Variants in STAB2 observed in about 807,000 individuals in gnomAD.
STAB2 encodes the protein stabilin 2, also known as stabilin-2.
Under a neutral mutation model 338.1 loss-of-function variants are expected in STAB2, and 288 were observed. The ratio of observed to expected loss-of-function variants is 0.85; its 90% CI spans 0.77 to 0.94. The LOEUF is 0.94. Among genes scored for constraint, STAB2 ranks in the 40% least tolerant of loss-of-function variants. The probability of loss-of-function intolerance (pLI) is 0.00; values close to 1 mark genes in which losing one functional copy is unlikely to be tolerated. For synonymous variants in STAB2, 1,202 were observed against 1,193.3 expected (o/e 1.01, Z -0.15); for missense variants, 3,141 against 3,210.1 (o/e 0.98, Z 0.52).
At chr12:103,670,569 C>A (rs1875669230) in intron 21 of STAB2, 127 bp from the exon 22 acceptor site, 1 of 726,304 alleles carries the variant, frequency 1.4e-6, no homozygotes, top group East Asian at 2.7e-5. Context: ...ACTCCACTTT[C>A]CACGAGGAGT....
At chr12:103,674,334 T>C (rs764264468) in intron 23 of STAB2, among the ~76,000 whole-genome samples, 1 of 152,150 alleles carries the variant, frequency 6.6e-6, no homozygotes, top group Non-Finnish European at 1.5e-5. Context: ...ACTTAACCTC[T>C]CTGAACCTCA....
At chr12:103,674,265 G>A (rs999400704) in intron 23 of STAB2, among the ~76,000 whole-genome samples, 178 bp downstream of exon 23, 1 of 152,182 alleles carries the variant, frequency 6.6e-6, no homozygotes, top group Non-Finnish European at 1.5e-5. Flanking sequence ...TCTGAGCTGG[G>A]TTTCAATTGC....
chr12:103,611,369 C>T (rs1428635454), intron 3 of STAB2, among the ~76,000 whole-genome samples: 2 of 152,120 alleles, frequency 1.3e-5, no homozygotes, highest in Non-Finnish European at 2.9e-5. Flanking sequence ...AATCTGGGTG[C>T]TCCTGTATTG....
intron 33 of STAB2, among the ~76,000 whole-genome samples, chr12:103,698,441 C>T (rs933128645): frequency 6.6e-6 from 1 of 152,062 alleles, no homozygotes; most frequent in Non-Finnish European, 1.5e-5. Context: ...TGGAAGAGGG[C>T]AGGAAGGACC....
chr12:103,681,813 G>T (rs951798800), intron 25 of STAB2, among the ~76,000 whole-genome samples: 1 of 151,404 alleles, frequency 6.6e-6, no homozygotes. Context: ...GTAGAGACGG[G>T]GTTTCTCTGC....
chr12:103,712,836 A>G (rs1879990062), intron 41 of STAB2, among the ~76,000 whole-genome samples: 1 of 152,356 alleles, frequency 6.6e-6, no homozygotes, highest in East Asian at 1.9e-4. Flanking sequence ...TGGCTGGAGC[A>G]TCGAGGGTCT....
intron 50 of STAB2, 135 bp downstream of exon 50, chr12:103,731,770 T>C: frequency 1.3e-6 from 1 of 794,408 alleles, no homozygotes; most frequent in East Asian, 2.7e-5. Flanking sequence ...GTCTCAGTTT[T>C]CTGGAGAGCA....
intron 3 of STAB2, among the ~76,000 whole-genome samples, chr12:103,599,997 C>G (rs377695405): frequency 6.6e-6 from 1 of 152,212 alleles, no homozygotes; most frequent in Non-Finnish European, 1.5e-5. Context: ...AGTTCCAACT[C>G]TTAACGACCA....
intron 17 of STAB2, among the ~76,000 whole-genome samples, 193 bp downstream of exon 17, chr12:103,660,956 G>A (rs965381573): frequency 1.3e-5 from 2 of 152,168 alleles, no homozygotes; most frequent in African/African-American, 2.4e-5. Context: ...ACTAGATGCC[G>A]AGAATAAAGG....
intron 11 of STAB2, among the ~76,000 whole-genome samples, chr12:103,651,190 T>A (rs1277215885): frequency 6.6e-6 from 1 of 152,206 alleles, no homozygotes; most frequent in Non-Finnish European, 1.5e-5. Context: ...ACTTATCGAT[T>A]TGTATACAAC....
At position 103,652,619 on chromosome 12, in the gene STAB2, G is replaced by A; in HGVS notation, c.1321G>A (p.Gly441Ser). The A allele has an allele frequency of 1.2e-6, 2 of 1,610,268 alleles. No homozygotes were observed. Among genetic ancestry groups the A allele is most frequent in the South Asian group, 1.1e-5 (1 of 89,636 alleles). Residue 441 changes from glycine (G) to serine (S), a missense_variant, in exon 12 of 69, where the codon GGT becomes AGT. Transcript: ENST00000388887. ...QYFVKLHIIA[G>S]QMNIEYMNNT... ...CTTTGTGAAACTCCACATAATTGCT[G>A]GTCAGATGAACATCGAATATATGAA...
chr12:103,679,701 T>A (rs897205156), intron 25 of STAB2, among the ~76,000 whole-genome samples: 19 of 152,166 alleles, frequency 1.2e-4, no homozygotes, highest in Admixed American at 9.8e-4. Flanking sequence ...GTACAGCTGC[T>A]ATGGAAAACA....
intron 22 of STAB2, among the ~76,000 whole-genome samples, chr12:103,673,579 G>A (rs1876034271): frequency 6.6e-6 from 1 of 152,080 alleles, no homozygotes; most frequent in African/African-American, 2.4e-5. Flanking sequence ...AAACTCCTGG[G>A]CTCAAGCAAT....
At chr12:103,654,733 T>C (rs1874045493) in intron 13 of STAB2, 35 bp downstream of exon 13, 2 of 1,603,472 alleles carry the variant, frequency 1.2e-6, no homozygotes, top group South Asian at 2.2e-5. Context: ...TCAGGCCAGG[T>C]CCATCTTCCT....
At position 103,703,147 on chromosome 12, in the gene STAB2, G is replaced by C. The variant is rs764003711; in HGVS notation, c.3715-1G>C. 1 of 1,612,960 alleles carries C rather than the reference G, an allele frequency of 6.2e-7. No homozygotes were observed. ...GTGACATTTAACCCTGTTGTTCACA[G>C]CTCTATGTAAATGAGGCTCCAATAA... On this transcript the variant is annotated splice_acceptor_variant, in intron 34 of 68. Coordinates refer to ENST00000388887, the MANE Select transcript of STAB2 (RefSeq NM_017564.10). LOFTEE classifies it high-confidence loss of function.
chr12:103,726,484 CT>C (rs1881217523), intron 46 of STAB2, among the ~76,000 whole-genome samples: 1 of 152,148 alleles, frequency 6.6e-6, no homozygotes, highest in South Asian at 2.1e-4. Flanking sequence ...GAGTGAGACA[CT>C]GTCTCAAAAA....
chr12:103,587,358 G>A lies in STAB2; in HGVS notation c.-119G>A, dbSNP rs114266389. The stretch of plus-strand genomic sequence containing the variant: ...TTCGATCTAGGAAAAAGGAAAGGAA[G>A]GGATTTAAAAGTAAACAGTGAAATG... On this transcript the variant is annotated 5_prime_UTR_variant, in exon 1 of 69. Coordinates refer to ENST00000388887, the MANE Select transcript of STAB2 (RefSeq NM_017564.10). The A allele has an allele frequency of 8.5e-4, 708 of 833,182 alleles. 4 individuals carry two copies. In the African/African-American group the frequency reaches 0.011, roughly 12 times the overall value. The allele number at this position is 833,182 out of a possible 1,614,324, so 51.6% of individuals were successfully genotyped here. A position where few individuals can be genotyped will look rare whatever the true frequency, so the allele number is the denominator to read the frequency against.
chr12:103,589,398 GTC>G (rs1956762657), intron 1 of STAB2, among the ~76,000 whole-genome samples: 1 of 152,298 alleles, frequency 6.6e-6, no homozygotes, highest in African/African-American at 2.4e-5. Context: ...TGTTGGTAAT[GTC>G]TTTTTTGATT....
At chr12:103,729,985 C>T (rs1446391197) in intron 48 of STAB2, 131 bp from the exon 49 acceptor site, 1 of 775,724 alleles carries the variant, frequency 1.3e-6, no homozygotes, top group East Asian at 2.8e-5. Context: ...TAAAAATACA[C>T]TCAAGTATTA....
Sources: gnomAD v4.1 joint callset for allele counts (sites outside exome capture counted in the v4.1 genomes callset) on GRCh38, gnomAD v4.1.1 for gene constraint, MANE v1.5 for transcripts, NCBI Gene and HGNC (gene_info 2026-07-23, HGNC 2026-07-21) for gene names.